Variants in CEP63 observed in about 807,000 individuals in gnomAD.
The protein encoded by CEP63 is centrosomal protein 63.
CEP63 carries 84 observed loss-of-function variants against 89.1 expected under a neutral mutation model. The observed-to-expected ratio is 0.94, with a 90% confidence interval of 0.79 to 1.13. CEP63 has a LOEUF of 1.13. Ranked by LOEUF, CEP63 falls within the 50% of genes most tolerant of loss-of-function variation. The probability of loss-of-function intolerance (pLI) is 0.00; values close to 1 mark genes in which losing one functional copy is unlikely to be tolerated. For missense variants in CEP63, 838 were observed against 813.3 expected (o/e 1.03, Z -0.37); for synonymous variants, 267 against 272.5 (o/e 0.98, Z 0.20).
the CEP63 span, among the ~76,000 whole-genome samples, chr3:134,678,545 C>T: frequency 2.6e-5 from 4 of 152,220 alleles, no homozygotes; most frequent in South Asian, 2.1e-4. Context: ...TGAACCATAA[C>T]AGCTAACACT....
the CEP63 span, among the ~76,000 whole-genome samples, chr3:134,598,151 C>T: frequency 6.6e-6 from 1 of 152,174 alleles, no homozygotes; most frequent in African/African-American, 2.4e-5. Flanking sequence ...AAACACAATA[C>T]ATTTCTTTCA....
chr3:134,547,223 T>A lies in CEP63; in HGVS notation c.930-112T>A, dbSNP rs748513995. ...TCTTTTTATAAAGCAGGAGACAAACTTGAAGAGTTCCAAAGAGGTTACCAA... is the reference window on the plus strand; with the variant it reads ...TCTTTTTATAAAGCAGGAGACAAACATGAAGAGTTCCAAAGAGGTTACCAA... On this transcript the variant is annotated intron_variant, in intron 8 of 14. Transcript: ENST00000675561. 1.4e-4 allele frequency: 136 copies of A among 938,358 alleles called. 2 individuals are homozygous for A. The highest frequency in any genetic ancestry group is 2.1e-4 in the Middle Eastern group (1 of 4,734). 58.1% of individuals were successfully genotyped at this position (938,358 alleles called of 1,614,324 possible).
At chr3:134,547,628 T>TTTTTTTTTTTTTTTTTTTTTTTTTTTG (rs1182808443) in intron 9 of CEP63, among the ~76,000 whole-genome samples, 156 bp downstream of exon 9, 2 of 122,684 alleles carry the variant, frequency 1.6e-5, no homozygotes, top group Admixed American at 8.4e-5. Context: ...TTTTTTTTTT[T>TTTTTTTTTTTTTTTTTTTTTTTTTTTG]TGAGACGGAG....
the CEP63 span, chr3:134,607,386 T>C: frequency 5.1e-6 from 5 of 985,586 alleles, no homozygotes; most frequent in Non-Finnish European, 6.0e-6. Context: ...TGCCCTGCAA[T>C]GTGGGTTGGA....
intron 12 of CEP63, among the ~76,000 whole-genome samples, chr3:134,554,224 C>G (rs868690413): frequency 5.2e-4 from 79 of 151,172 alleles, no homozygotes; most frequent in Middle Eastern, 3.4e-3. Context: ...CCAATGCTAT[C>G]CCTCCCCCCT....
At chr3:134,579,091 C>G (rs112574465), downstream of CEP63, among the ~76,000 whole-genome samples, 1 of 152,204 alleles carries the variant, frequency 6.6e-6, no homozygotes, top group African/African-American at 2.4e-5. Context: ...CAACTGCTAT[C>G]CTGGTGATGG....
chr3:134,588,109 A>G (rs772388750), downstream of CEP63, among the ~76,000 whole-genome samples: 7 of 152,122 alleles, frequency 4.6e-5, no homozygotes, highest in Non-Finnish European at 7.3e-5. Context: ...CCTGACCAAC[A>G]TGGCAAAACC....
At chr3:134,595,911 A>G in the CEP63 span, among the ~76,000 whole-genome samples, 1 of 152,232 alleles carries the variant, frequency 6.6e-6, no homozygotes, top group East Asian at 1.9e-4. Flanking sequence ...TCTTCAAGAC[A>G]GCCCCACATA....
the CEP63 span, among the ~76,000 whole-genome samples, chr3:134,714,740 A>G: frequency 6.6e-6 from 1 of 152,230 alleles, no homozygotes; most frequent in African/African-American, 2.4e-5. Context: ...TAACCACCAC[A>G]GTCTTGGGCT....
At chr3:134,565,436 A>G (rs566765759), downstream of CEP63, among the ~76,000 whole-genome samples, 34 of 152,366 alleles carry the variant, frequency 2.2e-4, 1 homozygote, top group South Asian at 1.2e-3. Context: ...ACTCGAGTCC[A>G]GTACCTAAAA....
At chr3:134,513,661 TA>T (rs1042501253) in intron 3 of CEP63, among the ~76,000 whole-genome samples, 20 of 152,138 alleles carry the variant, frequency 1.3e-4, no homozygotes, top group African/African-American at 4.8e-4. Flanking sequence ...TTTAAGGGGC[TA>T]GGGGTCCATG....
the CEP63 span, among the ~76,000 whole-genome samples, chr3:134,594,894 C>T: frequency 6.6e-6 from 1 of 152,206 alleles, no homozygotes; most frequent in African/African-American, 2.4e-5. Context: ...TGCCTGTGTG[C>T]ATTTGTGTCC....
chr3:134,655,121 A>G, the CEP63 span, among the ~76,000 whole-genome samples: 2 of 152,176 alleles, frequency 1.3e-5, no homozygotes, highest in African/African-American at 4.8e-5. Flanking sequence ...TAAATGAGAT[A>G]AAGTACTTAG....
the CEP63 span, among the ~76,000 whole-genome samples, chr3:134,601,536 A>G: frequency 6.6e-6 from 1 of 152,258 alleles, no homozygotes; most frequent in Non-Finnish European, 1.5e-5. Context: ...AGTGTGCAAG[A>G]CGGCTGTTTT....
chr3:134,665,148 C>T, the CEP63 span, among the ~76,000 whole-genome samples: 1 of 152,190 alleles, frequency 6.6e-6, no homozygotes, highest in Non-Finnish European at 1.5e-5. Flanking sequence ...CTTCTTCTCC[C>T]CATCTCCTGA....
At chr3:134,506,514 A>G (rs544001578) in intron 2 of CEP63, among the ~76,000 whole-genome samples, 2 of 152,338 alleles carry the variant, frequency 1.3e-5, no homozygotes, top group Non-Finnish European at 1.5e-5. Flanking sequence ...CACAAACCAG[A>G]CTTAAAACAT....
intron 13 of CEP63, 146 bp downstream of exon 13, chr3:134,558,493 C>T: frequency 1.5e-6 from 1 of 682,734 alleles, no homozygotes; most frequent in Non-Finnish European, 2.5e-6. Context: ...ACAAGTAAAG[C>T]TATGATCATG....
At chr3:134,591,758 G>A (rs1958601032), downstream of CEP63, among the ~76,000 whole-genome samples, 2 of 152,152 alleles carry the variant, frequency 1.3e-5, no homozygotes, top group East Asian at 1.9e-4. Context: ...GTACATGCCT[G>A]TAGTTCCAGC....
chr3:134,712,269 AT>A, the CEP63 span, among the ~76,000 whole-genome samples: 1 of 151,894 alleles, frequency 6.6e-6, no homozygotes, highest in East Asian at 1.9e-4. Flanking sequence ...ATATCCTTGT[AT>A]TTTTTATTTG....
Sources: gnomAD v4.1 joint callset for allele counts (sites outside exome capture counted in the v4.1 genomes callset) on GRCh38, gnomAD v4.1.1 for gene constraint, MANE v1.5 for transcripts, NCBI Gene and HGNC (gene_info 2026-07-23, HGNC 2026-07-21) for gene names.